Variants in ZNG1A observed in about 807,000 individuals in gnomAD.
ZNG1A encodes the protein zinc-regulated GTPase metalloprotein activator 1A.
chr9:169,654 C>A, the ZNG1A span, among the ~76,000 whole-genome samples: 1 of 148,998 alleles, frequency 6.7e-6, no homozygotes, highest in Non-Finnish European at 1.5e-5. Context: ...GCCACCCCAA[C>A]CTTCAGTAAC....
chr9:146,858 T>C, the ZNG1A span: 2 of 150,994 alleles, frequency 1.3e-5, no homozygotes, highest in African/African-American at 4.9e-5. Context: ...GATTGAGTTA[T>C]AATTTTAACA....
the ZNG1A span, among the ~76,000 whole-genome samples, chr9:136,185 C>T: frequency 9.4e-5 from 6 of 63,994 alleles, 2 homozygotes; most frequent in East Asian, 2.8e-3. Context: ...TTTTCCCTAT[C>T]ATACACATTT....
chr9:139,685 C>T, the ZNG1A span, among the ~76,000 whole-genome samples: 10 of 151,928 alleles, frequency 6.6e-5, no homozygotes, highest in Non-Finnish European at 1.2e-4. Flanking sequence ...GGAACAGCTC[C>T]GGTCTACAGC....
the ZNG1A span, among the ~76,000 whole-genome samples, chr9:176,833 C>A: frequency 6.7e-6 from 1 of 149,340 alleles, no homozygotes. Flanking sequence ...GCTTTTTAAC[C>A]ATATTATGAA....
At chr9:174,182 C>T in the ZNG1A span, among the ~76,000 whole-genome samples, 1 of 150,604 alleles carries the variant, frequency 6.6e-6, no homozygotes, top group Non-Finnish European at 1.5e-5. Context: ...TAGTCAAATT[C>T]ACATATTTTC....
the ZNG1A span, among the ~76,000 whole-genome samples, chr9:175,322 G>A: frequency 2.6e-5 from 4 of 151,598 alleles, no homozygotes; most frequent in African/African-American, 9.7e-5. Flanking sequence ...AGGTGGCAGT[G>A]AGCTGAGATT....
At chr9:155,972 TA>T in the ZNG1A span, among the ~76,000 whole-genome samples, 552 of 145,570 alleles carry the variant, frequency 3.8e-3, 3 homozygotes, top group African/African-American at 9.3e-3. Flanking sequence ...AATAAAAAAA[TA>T]AAAAAAAAAT....
At chr9:158,090 A>C in the ZNG1A span, among the ~76,000 whole-genome samples, 1 of 145,796 alleles carries the variant, frequency 6.9e-6, no homozygotes, top group Non-Finnish European at 1.5e-5. Context: ...CAAAAGACCA[A>C]GTTTAATATT....
chr9:170,631 C>T, the ZNG1A span, among the ~76,000 whole-genome samples: 1 of 147,408 alleles, frequency 6.8e-6, no homozygotes, highest in East Asian at 2.0e-4. Flanking sequence ...AGGGATCCAC[C>T]TGCCTCAGCC....
chr9:127,136 A>G, the ZNG1A span, among the ~76,000 whole-genome samples: 1 of 152,034 alleles, frequency 6.6e-6, no homozygotes, highest in Admixed American at 6.5e-5. Context: ...TGTGCTGTTG[A>G]ACAGAACGTA....
chr9:127,270 C>T, the ZNG1A span, among the ~76,000 whole-genome samples: 76 of 150,998 alleles, frequency 5.0e-4, no homozygotes, highest in African/African-American at 1.7e-3. Context: ...CAGTGCTGTC[C>T]GTGGAGTATT....
chr9:138,923 G>A, the ZNG1A span, among the ~76,000 whole-genome samples: 1 of 148,378 alleles, frequency 6.7e-6, no homozygotes, highest in Admixed American at 6.7e-5. Flanking sequence ...AAAAAGAAAA[G>A]AAATATATAT....
chr9:153,285 A>G, the ZNG1A span: 1 of 150,932 alleles, frequency 6.6e-6, no homozygotes, highest in African/African-American at 2.4e-5. Context: ...AAAAATGTAA[A>G]AGCAATCTTC....
the ZNG1A span, among the ~76,000 whole-genome samples, chr9:126,728 CT>C: frequency 6.6e-6 from 1 of 151,632 alleles, no homozygotes; most frequent in Non-Finnish European, 1.5e-5. Context: ...CTCTGATCTC[CT>C]TTCTTCTGCT....
At chr9:149,558 T>C in the ZNG1A span, 5 of 151,098 alleles carry the variant, frequency 3.3e-5, 1 homozygote, top group South Asian at 6.3e-4. Context: ...CCTATTATTA[T>C]AGAACTCTGT....
chr9:145,572 T>G, the ZNG1A span, among the ~76,000 whole-genome samples: 1 of 134,348 alleles, frequency 7.4e-6, no homozygotes, highest in Non-Finnish European at 1.6e-5. Flanking sequence ...GGGGGAGGGA[T>G]AGCATTGGGA....
chr9:161,860 C>T, the ZNG1A span, among the ~76,000 whole-genome samples: 1,766 of 151,824 alleles, frequency 0.012, 39 homozygotes, highest in African/African-American at 0.04. Flanking sequence ...TGGAGAGGGT[C>T]TTCTTACTAA....
chr9:141,431 C>A, the ZNG1A span, among the ~76,000 whole-genome samples: 1 of 149,874 alleles, frequency 6.7e-6, no homozygotes, highest in African/African-American at 2.5e-5. Flanking sequence ...ATTTCATATC[C>A]AGCCAAACTA....
chr9:131,800 C>A, the ZNG1A span, among the ~76,000 whole-genome samples: 1 of 150,014 alleles, frequency 6.7e-6, no homozygotes, highest in Non-Finnish European at 1.5e-5. Flanking sequence ...CCCGCATGGT[C>A]TCCGGACTCT....
Sources: gnomAD v4.1 joint callset for allele counts (sites outside exome capture counted in the v4.1 genomes callset) on GRCh38, gnomAD v4.1.1 for gene constraint, MANE v1.5 for transcripts, NCBI Gene and HGNC (gene_info 2026-07-23, HGNC 2026-07-21) for gene names.